The following ZNF471 variants were observed in gnomAD, a reference collection of about 807,000 sequenced individuals.
ZNF471 encodes EZFIT-related protein 1.
A neutral mutation model predicts 13.7 loss-of-function variants in ZNF471; 7 were observed. That is an observed-to-expected ratio of 0.51 (90% CI 0.29 to 0.96). The LOEUF (loss-of-function observed/expected upper bound fraction) is 0.96, where lower values mean the gene tolerates loss of function less well. Ranked by LOEUF, ZNF471 falls within the 40% of genes least tolerant of loss-of-function variation. The pLI is 0.08. For synonymous variants in ZNF471, 218 were observed against 235.6 expected (o/e 0.93, Z 0.68); for missense variants, 663 against 743.3 (o/e 0.89, Z 1.26).
In ZNF471 at chr19:56,510,501, G is replaced by A; in HGVS notation, c.-55-1016G>A. ...ACAGTGAGCTGTGTGTGTGAGAGAAGTAAGATTGGGGGTATGTGTGAAGGT... is the reference window on the plus strand; with the variant it reads ...ACAGTGAGCTGTGTGTGTGAGAGAAATAAGATTGGGGGTATGTGTGAAGGT... On this transcript the variant is annotated intron_variant, in intron 1 of 4. Transcript: ENST00000308031. This position sits in a 1 kb window ranked among gnomAD's most constrained non-coding sequence, Gnocchi z 4.3. 2 of 985,780 alleles carry A rather than the reference G, an allele frequency of 2.0e-6. No individual in the cohort carries two copies. The highest frequency in any genetic ancestry group is 2.4e-6 in the Non-Finnish European group (2 of 830,034). The allele number at this position is 985,780 out of a possible 1,614,324, so 61.1% of individuals were successfully genotyped here.
Position 56,507,919 on chromosome 19 carries a change from G to T in ZNF471, c.-57G>T. ...GCGTCTGGGTGCCAGACGAGGCCGG[G>T]GGTTTGTTTTGGGTGGTTTGGGAGT... On this transcript the variant is annotated splice_region_variant and 5_prime_UTR_variant, in exon 1 of 5. Coordinates refer to ENST00000308031, the MANE Select transcript of ZNF471 (RefSeq NM_020813.4). The T allele has an allele frequency of 1.0e-6, 1 of 985,664 alleles. No individual in the cohort carries two copies. The highest frequency in any genetic ancestry group is 4.7e-5 in the South Asian group (1 of 21,320). 61.1% of individuals were successfully genotyped at this position (985,664 alleles called of 1,614,324 possible).
intron 2 of ZNF471, among the ~76,000 whole-genome samples, chr19:56,514,738 A>G (rs905809182): frequency 2.6e-5 from 4 of 152,178 alleles, no homozygotes; most frequent in African/African-American, 9.7e-5. Flanking sequence ...AGGTTTCTCT[A>G]TAATAAGGTT....
chr19:56,508,803 C>A lies in ZNF471; in HGVS notation c.-56+883C>A, dbSNP rs2043770741. On this transcript the variant is annotated intron_variant, in intron 1 of 4. Coordinates refer to ENST00000308031, the MANE Select transcript of ZNF471 (RefSeq NM_020813.4). The surrounding 1 kb of genome is among the most constrained non-coding windows in gnomAD (Gnocchi z 4.7). ...CCAGGGTGTGTTCGTGTGTGAGAGACAACATAGCGTGAGACCAGTGAGTGT... is the reference window on the plus strand; with the variant it reads ...CCAGGGTGTGTTCGTGTGTGAGAGAAAACATAGCGTGAGACCAGTGAGTGT... 6.7e-6 allele frequency among the ~76,000 whole-genome samples: 1 copy of A among 148,916 alleles called. No homozygotes were observed. Among genetic ancestry groups the A allele is most frequent in the Non-Finnish European group, 1.5e-5 (1 of 67,230 alleles).
intron 1 of ZNF471, chr19:56,511,099 T>G (rs2043804836): frequency 4.2e-6 from 4 of 945,520 alleles, no homozygotes; most frequent in Non-Finnish European, 3.8e-6. Context: ...TCTTTTGTTT[T>G]TTTTTTTTTC....
chr19:56,519,094 T>C (rs1192061006), intron 4 of ZNF471, among the ~76,000 whole-genome samples: 2 of 152,008 alleles, frequency 1.3e-5, no homozygotes, highest in Admixed American at 1.3e-4. Flanking sequence ...TAGTCCAGAG[T>C]TTGCTAAATT....
At chr19:56,511,469 G>A in intron 1 of ZNF471, 48 bp from the exon 2 acceptor site, 1 of 1,399,216 alleles carries the variant, frequency 7.1e-7, no homozygotes, top group Non-Finnish European at 9.9e-7. Flanking sequence ...GATTCTGGGA[G>A]TGCAGCATCT....
At position 56,527,890 on chromosome 19, in the gene ZNF471, C is replaced by T. The variant is rs2044067034; in HGVS notation, c.*1942C>T. On this transcript the variant is annotated 3_prime_UTR_variant, in exon 5 of 5. Transcript: ENST00000308031. ...TCTGCTAAATATTTTTGGAATTTAT[C>T]CACTTCTTTTGGTTCCCCAGTCCAA... is the stretch of plus-strand genomic sequence containing the variant. 1 of 152,210 alleles carries T rather than the reference C, an allele frequency of 6.6e-6. No individual in the cohort carries two copies. The highest frequency in any genetic ancestry group is 1.9e-4 in the East Asian group (1 of 5,198). The allele number at this position is 152,210 out of a possible 1,614,324, so 9.4% of individuals were successfully genotyped here.
chr19:56,524,527 A>T lies in ZNF471; in HGVS notation c.460A>T (p.Thr154Ser). The change falls in exon 5 of 5, where the codon ACT (threonine) becomes TCT (serine). Residue 154 changes from threonine to serine, a missense_variant. Coordinates refer to ENST00000308031, the MANE Select transcript of ZNF471 (RefSeq NM_020813.4). The surrounding 1 kb of genome is among the most constrained non-coding windows in gnomAD (Gnocchi z 4.8). ...AATAATCACTCATAAAGAAACCATC[A>T]CTAAGGAAACAGAATTCAAATATAC... ...KEIITHKETI[T>S]KETEFKYTKF... is the part of the protein sequence containing the mutation. The T allele has an allele frequency of 6.2e-7, 1 of 1,602,772 alleles. No homozygotes were observed. The highest frequency in any genetic ancestry group is 1.7e-4 in the Middle Eastern group (1 of 5,968).
chr19:56,509,384 G>A (rs1469430500), intron 1 of ZNF471, among the ~76,000 whole-genome samples: 1 of 145,394 alleles, frequency 6.9e-6, no homozygotes, highest in Non-Finnish European at 1.5e-5. Flanking sequence ...TTCTTCACCT[G>A]CATCCTTTGT....
At position 56,524,537 on chromosome 19, in the gene ZNF471, CAG is replaced by C. The variant is rs1038992332; in HGVS notation, c.472_473del (p.Glu158IlefsTer5). 1.9e-6 allele frequency: 3 copies of C among 1,601,294 alleles called. No individual in the cohort carries two copies. Among genetic ancestry groups the C allele is most frequent in the Admixed American group, 1.8e-5 (1 of 56,658 alleles). ...CATAAAGAAACCATCACTAAGGAAA[CAG>C]AATTCAAATATACTAAATTTGGGAA... On this transcript the variant is annotated frameshift_variant, in exon 5 of 5. Transcript: ENST00000308031. LOFTEE classifies it low-confidence loss of function (END_TRUNC). This position sits in a 1 kb window ranked among gnomAD's most constrained non-coding sequence, Gnocchi z 4.8.
rs1046506533 is a variant in ZNF471, at chr19:56,525,563, G to A, written c.1496G>A (p.Ser499Asn). 2.5e-6 allele frequency: 4 copies of A among 1,613,804 alleles called. No homozygotes were observed. In the African/African-American group the frequency reaches 5.3e-5, roughly 22 times the overall value. The change falls in exon 5 of 5, where the codon AGT (serine) becomes AAT (asparagine). Residue 499 changes from serine (S) to asparagine (N), a missense_variant. Ser to Asn is a conservative substitution (Grantham distance 46, BLOSUM62 1). Transcript: ENST00000308031. ...CKECGKAFRI[S>N]SQLATHQRIH... ...GAATGTGGAAAAGCTTTTAGAATCAGTTCACAGCTGGCTACTCATCAGAGA... is the reference window on the plus strand; with the variant it reads ...GAATGTGGAAAAGCTTTTAGAATCAATTCACAGCTGGCTACTCATCAGAGA...
Position 56,525,255 on chromosome 19 carries a change from T to G in ZNF471, c.1188T>G (p.Ile396Met), listed in dbSNP as rs1568476680. 6.2e-7 allele frequency: 1 copy of G among 1,611,810 alleles called. No homozygotes were observed. Among genetic ancestry groups the G allele is most frequent in the Non-Finnish European group, 8.5e-7 (1 of 1,178,462 alleles). The change falls in exon 5 of 5, where the codon ATT becomes ATG. Residue 396 changes from isoleucine to methionine, a missense_variant. Coordinates refer to ENST00000308031, the MANE Select transcript of ZNF471 (RefSeq NM_020813.4). ...VHIGLILHRR[I>M]HTGEKPYKCG... ...TAGGACTTATTCTGCATAGGAGAAT[T>G]CATACAGGAGAGAAACCTTACAAAT...
intron 2 of ZNF471, among the ~76,000 whole-genome samples, chr19:56,514,186 C>T (rs956155639): frequency 1.3e-5 from 2 of 150,898 alleles, no homozygotes; most frequent in African/African-American, 2.4e-5. Flanking sequence ...CTCGGCCACT[C>T]GAGTAGCTGG....
At position 56,524,335 on chromosome 19, in the gene ZNF471, A is replaced by T; in HGVS notation, c.268A>T (p.Ile90Leu). 1 of 1,563,004 alleles carries T rather than the reference A, an allele frequency of 6.4e-7. No individual in the cohort carries two copies. The highest frequency in any genetic ancestry group is 8.6e-7 in the Non-Finnish European group (1 of 1,159,712). ...TTAATATCTTTCAGATTGGGAATCT[A>T]TATATGTGACACAGGAATTACCTCT... Reference protein sequence around the residue: ...TRSPFSDWESIYVTQELPLKQ... With the variant: ...TRSPFSDWESLYVTQELPLKQ... The change falls in exon 5 of 5, where the codon ATA becomes TTA. Residue 90 changes from isoleucine (I) to leucine (L), a missense_variant. Physicochemically the swap from Ile to Leu is conservative, Grantham distance 5. Transcript: ENST00000308031. This position sits in a 1 kb window ranked among gnomAD's most constrained non-coding sequence, Gnocchi z 4.8.
rs2044039212 is a variant in ZNF471 at position 56,525,814 on chromosome 19, AG to A, written c.1748del (p.Ser583ThrfsTer32). The stretch of plus-strand genomic sequence containing the variant: ...TGAATGTGGAAAGGCTTTTAGTGAT[AG>A]CTCATCCTGTGCTCAGCATCAAAGA... ...CTECGKAFSD[S>X]SSCAQHQRLH... On this transcript the variant is annotated frameshift_variant, in exon 5 of 5. Coordinates refer to ENST00000308031, the MANE Select transcript of ZNF471 (RefSeq NM_020813.4). LOFTEE classifies it low-confidence loss of function (END_TRUNC). The A allele has an allele frequency of 6.2e-7, 1 of 1,614,082 alleles. No homozygotes were observed.
rs913348113 is a variant in ZNF471 at position 56,528,203 on chromosome 19, C to G, written c.*2255C>G. The stretch of plus-strand genomic sequence containing the variant: ...CGAGTTAACATTACAGCCACAGTGA[C>G]CTTTCAAAAATGCAAATTAAGTTAC... On this transcript the variant is annotated 3_prime_UTR_variant, in exon 5 of 5. Transcript: ENST00000308031. 1.3e-5 allele frequency: 2 copies of G among 152,106 alleles called. No homozygotes were observed. The highest frequency in any genetic ancestry group is 2.9e-5 in the Non-Finnish European group (2 of 68,034). The allele number at this position is 152,106 out of a possible 1,614,324, so 9.4% of individuals were successfully genotyped here. A position where few individuals can be genotyped will look rare whatever the true frequency, so the allele number is the denominator to read the frequency against.
intron 4 of ZNF471, among the ~76,000 whole-genome samples, chr19:56,523,912 C>G (rs2044008821): frequency 6.6e-6 from 1 of 152,324 alleles, no homozygotes; most frequent in Admixed American, 6.5e-5. Context: ...CAGTCTCAAC[C>G]TCCTGGGCTC....
chr19:56,518,691 C>A, intron 4 of ZNF471, 114 bp downstream of exon 4: 1 of 801,342 alleles, frequency 1.2e-6, no homozygotes, highest in Non-Finnish European at 1.9e-6. Context: ...GCCTTACAGG[C>A]CTGGAGAGAA....
rs957424067 is a variant in ZNF471 at position 56,529,520 on chromosome 19, T to C, written c.*3572T>C. The C allele has an allele frequency of 2.6e-5, 4 of 152,196 alleles. No homozygotes were observed. Among genetic ancestry groups the C allele is most frequent in the African/African-American group, 7.2e-5 (3 of 41,444 alleles). 9.4% of individuals were successfully genotyped at this position (152,196 alleles called of 1,614,324 possible). On this transcript the variant is annotated 3_prime_UTR_variant, in exon 5 of 5. Coordinates refer to ENST00000308031, the MANE Select transcript of ZNF471 (RefSeq NM_020813.4). Reference sequence around the variant, plus strand: ...CTTTTTCATGGCGTAAGATACTGTATGCAAAGTTAAAAGGCATATGACAGG... The same window carrying C: ...CTTTTTCATGGCGTAAGATACTGTACGCAAAGTTAAAAGGCATATGACAGG...
Sources: gnomAD v4.1 joint callset for allele counts (sites outside exome capture counted in the v4.1 genomes callset) on GRCh38, gnomAD v4.1.1 for gene constraint, Gnocchi (gnomAD v3.1) non-coding constraint, MANE v1.5 for transcripts, NCBI Gene and HGNC (gene_info 2026-07-23, HGNC 2026-07-21) for gene names.